Variants in IL1RAPL1 observed in about 807,000 individuals in gnomAD.
IL1RAPL1 encodes interleukin-1 receptor accessory protein-like 1.
A neutral mutation model predicts 48.4 loss-of-function variants in IL1RAPL1; 3 were observed. The ratio of observed to expected loss-of-function variants is 0.06; its 90% CI spans 0.03 to 0.16. The LOEUF is 0.16. Among genes scored for constraint, IL1RAPL1 ranks in the 10% least tolerant of loss-of-function variants. IL1RAPL1 has a pLI of 1.00. For missense variants in IL1RAPL1, 349 were observed against 530.6 expected (o/e 0.66, Z 3.36); for synonymous variants, 185 against 187.7 (o/e 0.99, Z 0.12).
At chrX:29,608,802 G>A (rs1013559671) in intron 5 of IL1RAPL1, among the ~76,000 whole-genome samples, 1 of 107,489 alleles carries the variant, frequency 9.3e-6, no homozygotes, top group Non-Finnish European at 1.9e-5. Context: ...CTCCAGCCTG[G>A]GCGACAGAGC....
rs138348188 is a variant in IL1RAPL1, at chrX:29,058,594, A to G, written c.83-224344A>G. On this transcript the variant is annotated intron_variant, in intron 2 of 10. Coordinates refer to ENST00000378993, the MANE Select transcript of IL1RAPL1 (RefSeq NM_014271.4). ...AATATAACATTCAATTAAAATTAAC[A>G]TTTATCCTAGGGGCATTCCAGGTAC... is the stretch of plus-strand genomic sequence containing the variant. 8.2e-3 allele frequency among the ~76,000 whole-genome samples: 915 copies of G among 112,036 alleles called. 6 individuals carry two copies. Among genetic ancestry groups the G allele is most frequent in the African/African-American group, 0.028 (854 of 30,821 alleles).
Position 28,944,303 on chromosome X carries a change from A to G in IL1RAPL1, c.82+154878A>G, listed in dbSNP as rs759176727. Among the ~76,000 whole-genome samples the G allele has an allele frequency of 3.6e-5, 4 of 110,136 alleles. No individual in the cohort carries two copies. The Admixed American group carries it at 3.9e-4, about 11-fold the overall frequency. ...ACAGTATTCAAATATTAGGGTAATGATTTGTAAGTTATCTTTTAAGGAGTT... is the reference window on the plus strand; with the variant it reads ...ACAGTATTCAAATATTAGGGTAATGGTTTGTAAGTTATCTTTTAAGGAGTT... On this transcript the variant is annotated intron_variant, in intron 2 of 10. Transcript: ENST00000378993.
Position 28,694,640 on chromosome X carries a change from CATT to C in IL1RAPL1, c.-24-94678_-24-94676del, listed in dbSNP as rs111587835. 7.2e-3 allele frequency among the ~76,000 whole-genome samples: 806 copies of C among 112,208 alleles called. 11 individuals carry two copies. The highest frequency in any genetic ancestry group is 0.024 in the African/African-American group (753 of 30,959). ...GACAATTCAAAAAAACAAAATAAAACATTAATGTAAAATAGATAAGCAATGCAT... is the reference window on the plus strand; with the variant it reads ...GACAATTCAAAAAAACAAAATAAAACAATGTAAAATAGATAAGCAATGCAT... On this transcript the variant is annotated intron_variant, in intron 1 of 10. Coordinates refer to ENST00000378993, the MANE Select transcript of IL1RAPL1 (RefSeq NM_014271.4).
chrX:28,738,269 T>G (rs1452870080), intron 1 of IL1RAPL1, among the ~76,000 whole-genome samples: 1 of 111,838 alleles, frequency 8.9e-6, no homozygotes, highest in African/African-American at 3.2e-5. Context: ...AGCAGCCCAG[T>G]TTTAGAAATC....
intron 1 of IL1RAPL1, among the ~76,000 whole-genome samples, chrX:28,729,112 A>T (rs1375256145): frequency 4.5e-5 from 5 of 111,953 alleles, no homozygotes; most frequent in Non-Finnish European, 9.4e-5. Context: ...AATTTGTGCA[A>T]ATTTAAAATG....
At chrX:29,803,226 TAC>T (rs1330912969) in intron 6 of IL1RAPL1, among the ~76,000 whole-genome samples, 1 of 37,696 alleles carries the variant, frequency 2.7e-5, no homozygotes, top group Non-Finnish European at 5.2e-5. Flanking sequence ...TGTATACATA[TAC>T]ACACATGTAT....
At chrX:29,894,082 G>C (rs764674484) in intron 6 of IL1RAPL1, among the ~76,000 whole-genome samples, 1 of 111,954 alleles carries the variant, frequency 8.9e-6, no homozygotes, top group East Asian at 2.8e-4. Flanking sequence ...TTTATTTTAT[G>C]TTATTCTCCA....
intron 6 of IL1RAPL1, among the ~76,000 whole-genome samples, chrX:29,822,745 A>G (rs1930650276): frequency 9.0e-6 from 1 of 111,455 alleles, no homozygotes; most frequent in Non-Finnish European, 1.9e-5. Flanking sequence ...CATTGCTTTA[A>G]AAGCTGTTGG....
At chrX:29,333,806 C>CA (rs1285282545) in intron 3 of IL1RAPL1, among the ~76,000 whole-genome samples, 1 of 83,535 alleles carries the variant, frequency 1.2e-5, no homozygotes, top group Non-Finnish European at 2.5e-5. Context: ...CGACCCCCCC[C>CA]CCCGCCTCCC....
chrX:29,003,595 T>A (rs1461962497), intron 2 of IL1RAPL1, among the ~76,000 whole-genome samples: 2 of 111,993 alleles, frequency 1.8e-5, no homozygotes, highest in African/African-American at 6.5e-5. Flanking sequence ...TTTTCTCAAA[T>A]TTTACCCAAT....
At chrX:28,867,587 G>T (rs1235949575) in intron 2 of IL1RAPL1, among the ~76,000 whole-genome samples, 1 of 111,961 alleles carries the variant, frequency 8.9e-6, no homozygotes, top group Non-Finnish European at 1.9e-5. Flanking sequence ...TCAGAAGCGG[G>T]TTGCTAAAGG....
intron 5 of IL1RAPL1, among the ~76,000 whole-genome samples, chrX:29,483,457 C>T (rs779170227): frequency 2.9e-4 from 32 of 111,214 alleles, no homozygotes; most frequent in Non-Finnish European, 5.1e-4. Flanking sequence ...CAAAGTCATA[C>T]GTTCTGCGAT....
chrX:29,706,132 C>T (rs374779618), intron 6 of IL1RAPL1, among the ~76,000 whole-genome samples: 7 of 111,236 alleles, frequency 6.3e-5, no homozygotes, highest in African/African-American at 1.3e-4. Flanking sequence ...TTCAGTATCA[C>T]GAGAACAGCA....
intron 3 of IL1RAPL1, among the ~76,000 whole-genome samples, chrX:29,308,228 G>A (rs1161924177): frequency 9.0e-6 from 1 of 111,612 alleles, no homozygotes; most frequent in African/African-American, 3.3e-5. Flanking sequence ...CTTGGTGTTG[G>A]CTTTATTCTT....
chrX:29,777,937 T>C (rs1929244301), intron 6 of IL1RAPL1, among the ~76,000 whole-genome samples: 1 of 109,545 alleles, frequency 9.1e-6, no homozygotes, highest in Non-Finnish European at 1.9e-5. Context: ...CTTGTTTTCA[T>C]TTATACTATT....
chrX:28,859,733 C>T (rs1305532451), intron 2 of IL1RAPL1, among the ~76,000 whole-genome samples: 2 of 106,738 alleles, frequency 1.9e-5, no homozygotes, highest in Non-Finnish European at 3.8e-5. Flanking sequence ...TATTGATATA[C>T]AATAATATAT....
At chrX:29,147,497 A>G (rs1929374395) in intron 2 of IL1RAPL1, among the ~76,000 whole-genome samples, 1 of 111,701 alleles carries the variant, frequency 9.0e-6, no homozygotes, top group Non-Finnish European at 1.9e-5. Flanking sequence ...AGGTTAGGGT[A>G]TGTGGGTTTG....
chrX:29,526,754 A>G (rs2147775770), intron 5 of IL1RAPL1, among the ~76,000 whole-genome samples: 1 of 112,329 alleles, frequency 8.9e-6, no homozygotes, highest in South Asian at 3.6e-4. Context: ...TGAAAGACAC[A>G]CAGAAGTAGA....
intron 3 of IL1RAPL1, among the ~76,000 whole-genome samples, chrX:29,336,531 C>T (rs12009542): frequency 0.12 from 13,329 of 108,779 alleles, 1,860 homozygotes; most frequent in African/African-American, 0.4. Context: ...GGATTCCAAG[C>T]GTTGTGGCCA....
Sources: allele counts gnomAD v4.1 joint callset (sites outside exome capture counted in the v4.1 genomes callset), GRCh38; gene constraint gnomAD v4.1.1; transcripts MANE v1.5; gene names NCBI Gene and HGNC (gene_info 2026-07-23, HGNC 2026-07-21).